Variants in ZBTB20 observed in about 807,000 individuals in gnomAD.
ZBTB20 encodes zinc finger and BTB domain-containing protein 20.
A neutral mutation model predicts 56.9 loss-of-function variants in ZBTB20; 9 were observed. The ratio of observed to expected loss-of-function variants is 0.16; its 90% CI spans 0.10 to 0.28. ZBTB20 has a LOEUF of 0.28. Among genes scored for constraint, ZBTB20 ranks in the 10% least tolerant of loss-of-function variants. The pLI, the probability that ZBTB20 is intolerant of heterozygous loss-of-function variation, is 1.00. For synonymous variants in ZBTB20, 417 were observed against 420.7 expected, an observed-to-expected ratio of 0.99 and a Z score of 0.11; for missense variants, 655 against 1,003.0, an observed-to-expected ratio of 0.65 and a Z score of 4.69.
chr3:114,640,851 G>T (rs947993743), intron 6 of ZBTB20, among the ~76,000 whole-genome samples: 1 of 151,848 alleles, frequency 6.6e-6, no homozygotes, highest in Non-Finnish European at 1.5e-5. Context: ...AAATTTCTAT[G>T]AATTATTTAG....
At chr3:115,060,753 T>G (rs2081983436) in intron 2 of ZBTB20, among the ~76,000 whole-genome samples, 1 of 152,166 alleles carries the variant, frequency 6.6e-6, no homozygotes, top group African/African-American at 2.4e-5. Context: ...ATCCCTTGTT[T>G]ACACCAAGAT....
chr3:114,468,248 T>G (rs541786995), intron 7 of ZBTB20, among the ~76,000 whole-genome samples: 3 of 152,308 alleles, frequency 2.0e-5, no homozygotes, highest in South Asian at 2.1e-4. Flanking sequence ...CTTCATTGTA[T>G]TCTCTAAAGA....
intron 3 of ZBTB20, among the ~76,000 whole-genome samples, chr3:114,970,299 C>T (rs73228385): frequency 0.07 from 10,695 of 152,118 alleles, 528 homozygotes; most frequent in Non-Finnish European, 0.11. Context: ...TAATGTAATT[C>T]CCAAAAAGAA....
intron 6 of ZBTB20, among the ~76,000 whole-genome samples, chr3:114,587,758 C>G (rs765669050): frequency 7.9e-5 from 12 of 152,162 alleles, no homozygotes; most frequent in Non-Finnish European, 4.4e-5. Flanking sequence ...CCTCCAGAAG[C>G]CTTTTCTCTC....
At position 114,315,119 on chromosome 3, in the gene ZBTB20, C is replaced by T. The variant is rs931405170; in HGVS notation, c.*23886G>A. 1 of 152,026 alleles carries T rather than the reference C, an allele frequency of 6.6e-6. No individual in the cohort carries two copies. The highest frequency in any genetic ancestry group is 2.4e-5 in the African/African-American group (1 of 41,372). 9.4% of individuals were successfully genotyped at this position (152,026 alleles called of 1,614,324 possible). On this transcript the variant is annotated 3_prime_UTR_variant, in exon 12 of 12. Coordinates refer to ENST00000675478, the MANE Select transcript of ZBTB20 (RefSeq NM_001348800.3). ...CAAACTCCCTCTCAAAACTATTGAC[C>T]TGCTCATCCCAAACCATGTATATGT...
intron 7 of ZBTB20, among the ~76,000 whole-genome samples, chr3:114,421,285 G>A (rs1434891042): frequency 6.6e-6 from 1 of 152,062 alleles, no homozygotes; most frequent in Non-Finnish European, 1.5e-5. Flanking sequence ...AGGCATTAAG[G>A]GTAAGAGAGA....
chr3:114,582,261 T>A (rs1033593992), intron 6 of ZBTB20: 1 of 152,232 alleles, frequency 6.6e-6, no homozygotes, highest in Non-Finnish European at 1.5e-5. Flanking sequence ...ATTCACTGTA[T>A]GTAACCTATA....
rs756208900 is a variant in ZBTB20, at chr3:114,326,318, A to G, written c.*12687T>C. 5 of 152,154 alleles carry G rather than the reference A, an allele frequency of 3.3e-5. No homozygotes were observed. The highest frequency in any genetic ancestry group is 5.9e-5 in the Non-Finnish European group (4 of 68,034). 9.4% of individuals were successfully genotyped at this position (152,154 alleles called of 1,614,324 possible). A position where few individuals can be genotyped will look rare whatever the true frequency, so the allele number is the denominator to read the frequency against. ...TGCATGGTCTTCATCTGCAATCAAT[A>G]AAAAAATCTATTCTTTGGCCCCAGA... On this transcript the variant is annotated 3_prime_UTR_variant, in exon 12 of 12. Transcript: ENST00000675478.
chr3:114,514,097 A>G (rs1320896955), intron 6 of ZBTB20, among the ~76,000 whole-genome samples: 1 of 152,176 alleles, frequency 6.6e-6, no homozygotes, highest in African/African-American at 2.4e-5. Flanking sequence ...GGTCATATTA[A>G]TCTCCAAACC....
chr3:114,808,891 CTTTG>C (rs1221561091), intron 4 of ZBTB20, among the ~76,000 whole-genome samples: 4 of 150,890 alleles, frequency 2.7e-5, no homozygotes, highest in Non-Finnish European at 5.9e-5. Flanking sequence ...TTGTCTCAGT[CTTTG>C]TTTATTTGGG....
At chr3:114,466,022 A>G (rs2092537532) in intron 7 of ZBTB20, among the ~76,000 whole-genome samples, 1 of 152,066 alleles carries the variant, frequency 6.6e-6, no homozygotes, top group Non-Finnish European at 1.5e-5. Flanking sequence ...GCATATATAT[A>G]TATATGCAGG....
At chr3:115,139,473 G>C (rs1019158000) in intron 1 of ZBTB20, among the ~76,000 whole-genome samples, 1 of 151,936 alleles carries the variant, frequency 6.6e-6, no homozygotes, top group East Asian at 1.9e-4. Context: ...TTCTTTCCTA[G>C]TCAGATTTCT....
intron 6 of ZBTB20, among the ~76,000 whole-genome samples, chr3:114,616,298 A>C (rs1453594051): frequency 1.3e-5 from 2 of 152,216 alleles, no homozygotes; most frequent in East Asian, 3.8e-4. Context: ...GAATGCAGCA[A>C]ACTCTCCAGG....
At position 114,588,349 on chromosome 3, in the gene ZBTB20, T is replaced by C. The variant is rs142848207; in HGVS notation, c.-294-87958A>G. Among the ~76,000 whole-genome samples, 1,415 of 152,320 alleles carry C rather than the reference T, an allele frequency of 9.3e-3. 11 individuals carry two copies. The highest frequency in any genetic ancestry group is 0.014 in the Non-Finnish European group (953 of 68,018). Reference sequence around the variant, plus strand: ...AGCAAGCATTTGCAGTTACTCAGTCTTAAAATGAATATGTGTCCAACCAGT... The same window carrying C: ...AGCAAGCATTTGCAGTTACTCAGTCCTAAAATGAATATGTGTCCAACCAGT... On this transcript the variant is annotated intron_variant, in intron 6 of 11. Transcript: ENST00000675478.
intron 7 of ZBTB20, chr3:114,445,521 T>C (rs2091216197): frequency 6.6e-6 from 1 of 152,320 alleles, no homozygotes; most frequent in Admixed American, 6.5e-5. Flanking sequence ...CTCAGTGCAA[T>C]GAAATTGTGT....
chr3:114,631,436 A>G (rs2058943395), intron 6 of ZBTB20, among the ~76,000 whole-genome samples: 1 of 105,398 alleles, frequency 9.5e-6, no homozygotes, highest in Non-Finnish European at 1.7e-5. Flanking sequence ...TCTGTTGCCC[A>G]GGCTGGAGTG....
At chr3:114,867,833 G>T (rs2075829498) in intron 4 of ZBTB20, among the ~76,000 whole-genome samples, 1 of 152,170 alleles carries the variant, frequency 6.6e-6, no homozygotes, top group Admixed American at 6.5e-5. Flanking sequence ...AAGTTTTCAG[G>T]TCTAAACATG....
At chr3:114,844,860 C>CTTTTTTTTTTTT (rs11396350) in intron 4 of ZBTB20, among the ~76,000 whole-genome samples, 2 of 130,438 alleles carry the variant, frequency 1.5e-5, no homozygotes, top group Non-Finnish European at 1.6e-5. Flanking sequence ...TTTTCTTTTT[C>CTTTTTTTTTTTT]TTTTTTTTTT....
chr3:114,728,580 C>T (rs527830874), intron 5 of ZBTB20, among the ~76,000 whole-genome samples: 7 of 152,302 alleles, frequency 4.6e-5, no homozygotes, highest in Non-Finnish European at 8.8e-5. Context: ...ATAGACTAAA[C>T]TCTCAGTTGT....
Sources: gnomAD v4.1 joint callset for allele counts (sites outside exome capture counted in the v4.1 genomes callset) on GRCh38, gnomAD v4.1.1 for gene constraint, MANE v1.5 for transcripts, NCBI Gene and HGNC (gene_info 2026-07-23, HGNC 2026-07-21) for gene names.